The following ACER3 variants were observed in gnomAD, a reference collection of about 807,000 sequenced individuals.
ACER3 encodes alkCDase 3.
Under a neutral mutation model 48.9 loss-of-function variants are expected in ACER3, and 16 were observed. The observed-to-expected ratio is 0.33, with a 90% CI of 0.22 to 0.50. The LOEUF (loss-of-function observed/expected upper bound fraction) is 0.50, where lower values mean the gene tolerates loss of function less well. Among genes scored for constraint, ACER3 ranks in the 20% least tolerant of loss-of-function variants. ACER3 has a pLI of 0.98. For missense variants in ACER3, 227 were observed against 326.0 expected (o/e 0.70, Z 2.34); for synonymous variants, 109 against 107.8 (o/e 1.01, Z -0.07).
At chr11:77,012,215 C>T (rs1949280889) in intron 7 of ACER3, among the ~76,000 whole-genome samples, 2 of 151,864 alleles carry the variant, frequency 1.3e-5, no homozygotes, top group African/African-American at 2.4e-5. Flanking sequence ...GTCAAGAGAT[C>T]GAGACCATCC....
chr11:76,866,426 A>G (rs1307866600), intron 1 of ACER3, among the ~76,000 whole-genome samples: 1 of 152,194 alleles, frequency 6.6e-6, no homozygotes, highest in Non-Finnish European at 1.5e-5. Context: ...TCATCAACAG[A>G]CAGTGAAAGA....
At chr11:77,019,962 C>A (rs1949444393) in intron 10 of ACER3, among the ~76,000 whole-genome samples, 186 bp downstream of exon 10, 1 of 152,118 alleles carries the variant, frequency 6.6e-6, no homozygotes, top group Admixed American at 6.5e-5. Context: ...GCCTTAGTTT[C>A]TTCAACAATA....
intron 5 of ACER3, among the ~76,000 whole-genome samples, chr11:76,990,122 C>G (rs567754585): frequency 1.3e-5 from 2 of 152,292 alleles, no homozygotes; most frequent in South Asian, 4.1e-4. Flanking sequence ...AATTACTTAT[C>G]CAAGGCATGT....
intron 2 of ACER3, among the ~76,000 whole-genome samples, chr11:76,929,464 G>A (rs1467676958): frequency 6.6e-6 from 1 of 152,084 alleles, no homozygotes; most frequent in African/African-American, 2.4e-5. Context: ...TCTTTCTCCT[G>A]CCTGATTGCC....
At chr11:76,972,971 C>T (rs906195044) in intron 3 of ACER3, among the ~76,000 whole-genome samples, 1 of 152,244 alleles carries the variant, frequency 6.6e-6, no homozygotes, top group African/African-American at 2.4e-5. Context: ...CTGATGGTTC[C>T]TATACCCATC....
intron 7 of ACER3, among the ~76,000 whole-genome samples, chr11:77,014,507 G>C (rs1949327872): frequency 6.6e-6 from 1 of 152,220 alleles, no homozygotes; most frequent in Non-Finnish European, 1.5e-5. Flanking sequence ...GAATGTGTGT[G>C]TGTGTATGTG....
At chr11:76,932,532 A>T (rs1363341805) in intron 2 of ACER3, among the ~76,000 whole-genome samples, 1 of 152,156 alleles carries the variant, frequency 6.6e-6, no homozygotes, top group Non-Finnish European at 1.5e-5. Flanking sequence ...TAATGTTTAT[A>T]AAACATGGAC....
intron 3 of ACER3, among the ~76,000 whole-genome samples, chr11:76,961,768 C>A (rs1948000392): frequency 1.4e-5 from 2 of 146,350 alleles, no homozygotes; most frequent in South Asian, 2.2e-4. Flanking sequence ...AATCTGAGTC[C>A]ATACTAGATA....
chr11:76,932,335 A>T (rs1405378470), intron 2 of ACER3, among the ~76,000 whole-genome samples: 1 of 152,176 alleles, frequency 6.6e-6, no homozygotes, highest in East Asian at 1.9e-4. Flanking sequence ...AAGGACTTCT[A>T]ATTATCCCAA....
intron 3 of ACER3, among the ~76,000 whole-genome samples, chr11:76,959,728 A>G (rs959212018): frequency 2.0e-5 from 3 of 151,694 alleles, no homozygotes; most frequent in African/African-American, 7.3e-5. Flanking sequence ...AATTTTTTAT[A>G]TTTTTAGTAG....
chr11:77,014,363 G>C (rs1303802443), intron 7 of ACER3, among the ~76,000 whole-genome samples: 5 of 152,096 alleles, frequency 3.3e-5, no homozygotes, highest in African/African-American at 1.2e-4. Context: ...GTATTTAATT[G>C]TTTACCTCCC....
intron 1 of ACER3, 90 bp from the exon 2 acceptor site, chr11:76,926,467 G>T: frequency 1.5e-6 from 1 of 688,642 alleles, no homozygotes; most frequent in Non-Finnish European, 2.3e-6. Context: ...GAAGTTACTT[G>T]TGTAATTGTT....
intron 1 of ACER3, among the ~76,000 whole-genome samples, chr11:76,878,001 T>G (rs115625428): frequency 0.018 from 2,777 of 152,102 alleles, 76 homozygotes; most frequent in African/African-American, 0.063. Context: ...TGTTGATGGA[T>G]GTAGATATAA....
At chr11:76,928,753 CA>C (rs1297606141) in intron 2 of ACER3, among the ~76,000 whole-genome samples, 2 of 152,144 alleles carry the variant, frequency 1.3e-5, no homozygotes, top group Non-Finnish European at 2.9e-5. Context: ...TCAGATTTGT[CA>C]AAGATCAGAT....
chr11:76,971,446 A>G (rs1047425911), intron 3 of ACER3, among the ~76,000 whole-genome samples: 11 of 152,044 alleles, frequency 7.2e-5, no homozygotes, highest in Non-Finnish European at 1.3e-4. Flanking sequence ...AGGCTGAGGC[A>G]GGAGAATCAC....
intron 2 of ACER3, among the ~76,000 whole-genome samples, chr11:76,951,063 C>T (rs1396477770): frequency 6.6e-6 from 1 of 152,244 alleles, no homozygotes; most frequent in South Asian, 2.1e-4. Flanking sequence ...ATGAAATGAT[C>T]CTCTCCTAAG....
intron 1 of ACER3, among the ~76,000 whole-genome samples, chr11:76,899,423 A>G (rs1296579937): frequency 6.6e-6 from 1 of 152,172 alleles, no homozygotes; most frequent in African/African-American, 2.4e-5. Flanking sequence ...TGTGTGACCA[A>G]TTTGGAATAT....
chr11:76,880,389 A>G (rs758485144), intron 1 of ACER3, among the ~76,000 whole-genome samples: 11 of 152,208 alleles, frequency 7.2e-5, no homozygotes, highest in African/African-American at 2.4e-5. Context: ...CTCCCCACCA[A>G]CAGACAAGCA....
chr11:76,888,356 A>G (rs1041577896), intron 1 of ACER3, among the ~76,000 whole-genome samples: 2 of 152,114 alleles, frequency 1.3e-5, no homozygotes, highest in African/African-American at 4.8e-5. Flanking sequence ...TGCCTGGCAT[A>G]TTTTTTCCCC....
Sources: gnomAD v4.1 joint callset for allele counts (sites outside exome capture counted in the v4.1 genomes callset) on GRCh38, gnomAD v4.1.1 for gene constraint, MANE v1.5 for transcripts, NCBI Gene and HGNC (gene_info 2026-07-23, HGNC 2026-07-21) for gene names.